The following B3GALNT1 variants were observed in gnomAD, a reference collection of about 807,000 sequenced individuals.
The protein encoded by B3GALNT1 is beta-1,3-N-acetylgalactosaminyltransferase 1 (Globoside blood group).
A neutral mutation model predicts 27.3 loss-of-function variants in B3GALNT1; 17 were observed. That is an observed-to-expected ratio of 0.62 (90% CI 0.43 to 0.94). The LOEUF (loss-of-function observed/expected upper bound fraction) is 0.94, where lower values mean the gene tolerates loss of function less well. B3GALNT1 is among the 40% of genes least tolerant of loss of function. B3GALNT1 has a pLI of 0.00. For synonymous variants in B3GALNT1, 141 were observed against 144.0 expected (o/e 0.98, Z 0.15); for missense variants, 347 against 390.0 (o/e 0.89, Z 0.93).
At chr3:161,093,391 T>C (rs960969992) in intron 4 of B3GALNT1, among the ~76,000 whole-genome samples, 2 of 152,198 alleles carry the variant, frequency 1.3e-5, no homozygotes, top group African/African-American at 4.8e-5. Context: ...TCTGTGTTCA[T>C]AGCATGTGTG....
intron 4 of B3GALNT1, among the ~76,000 whole-genome samples, chr3:161,095,399 A>G (rs1727576759): frequency 6.6e-6 from 1 of 152,236 alleles, no homozygotes; most frequent in South Asian, 2.1e-4. Context: ...GGCTAAGGCG[A>G]ATATCTGGGC....
chr3:161,104,205 T>G (rs1733039681), intron 2 of B3GALNT1, 114 bp downstream of exon 2: 1 of 722,866 alleles, frequency 1.4e-6, no homozygotes. Context: ...TTATCAGGCA[T>G]CGACACATGC....
In B3GALNT1 at chr3:161,095,051, C is replaced by T. The variant is rs376521865; in HGVS notation, c.-35+6088G>A. Among the ~76,000 whole-genome samples the T allele has an allele frequency of 2.9e-4, 44 of 152,184 alleles. No homozygotes were observed. In the East Asian group the frequency reaches 4.6e-3, roughly 16 times the overall value. On this transcript the variant is annotated intron_variant, in intron 4 of 4. Coordinates refer to ENST00000320474, the MANE Select transcript of B3GALNT1 (RefSeq NM_003781.4). ...CTTGCTATGTTACCCAAGCTGGTCT[C>T]GAACTCCTGGACTCAAGCAATCCTC...
intron 1 of B3GALNT1, 66 bp from the exon 2 acceptor site, chr3:161,104,472 T>A: frequency 1.5e-6 from 1 of 686,386 alleles, no homozygotes; most frequent in Non-Finnish European, 2.2e-6. Flanking sequence ...AATCCAACAT[T>A]AAGAAGGCGA....
rs768103850 is a variant in B3GALNT1 at position 161,084,887 on chromosome 3, T to A, written c.*872A>T. 9 of 152,242 alleles carry A rather than the reference T, an allele frequency of 5.9e-5. No homozygotes were observed. Among genetic ancestry groups the A allele is most frequent in the Admixed American group, 5.9e-4 (9 of 15,286 alleles). 9.4% of individuals were successfully genotyped at this position (152,242 alleles called of 1,614,324 possible). On this transcript the variant is annotated 3_prime_UTR_variant, in exon 5 of 5. Transcript: ENST00000320474. ...TCCAAAAGGAAATTACTGCCTTGCATTCTACATTATTCCTAATTTCCAGGT... is the reference window on the plus strand; with the variant it reads ...TCCAAAAGGAAATTACTGCCTTGCAATCTACATTATTCCTAATTTCCAGGT...
At chr3:161,090,989 T>A (rs1475777781) in intron 4 of B3GALNT1, among the ~76,000 whole-genome samples, 1 of 152,168 alleles carries the variant, frequency 6.6e-6, no homozygotes, top group African/African-American at 2.4e-5. Context: ...ACTTATAGGC[T>A]GGGTGTCATG....
Position 161,085,985 on chromosome 3 carries a change from A to G in B3GALNT1, c.770T>C (p.Met257Thr). 1.3e-6 allele frequency: 2 copies of G among 1,588,472 alleles called. No homozygotes were observed. The highest frequency in any genetic ancestry group is 1.7e-6 in the Non-Finnish European group (2 of 1,168,662). ...RDLVPRIYEMMGHVKPIKFED... is the reference protein window; with the variant it reads ...RDLVPRIYEMTGHVKPIKFED... ...AAACTTGATGGGTTTTACGTGACCC[A>G]TCATTTCATAGATCCTTGGCACCAA... The change falls in exon 5 of 5, where the codon ATG (methionine) becomes ACG (threonine). Residue 257 changes from methionine to threonine, a missense_variant. By Grantham distance (81) the Met-to-Thr change is moderately conservative. Coordinates refer to ENST00000320474, the MANE Select transcript of B3GALNT1 (RefSeq NM_003781.4).
chr3:161,102,160 C>T (rs1731678066), intron 3 of B3GALNT1, among the ~76,000 whole-genome samples: 1 of 152,172 alleles, frequency 6.6e-6, no homozygotes, highest in Admixed American at 6.5e-5. Context: ...GTGGTAACTC[C>T]ATTCTTGAAA....
At chr3:161,102,053 G>C (rs999803638) in intron 3 of B3GALNT1, among the ~76,000 whole-genome samples, 4 of 152,080 alleles carry the variant, frequency 2.6e-5, no homozygotes, top group Admixed American at 2.0e-4. Context: ...TCCCAGAAGC[G>C]GGCAAACTTT....
At chr3:161,104,244 C>G in intron 2 of B3GALNT1, 75 bp downstream of exon 2, 1 of 1,180,662 alleles carries the variant, frequency 8.5e-7, no homozygotes, top group Non-Finnish European at 1.1e-6. Context: ...CAGCGCCCTT[C>G]TTTTGCTTAA....
chr3:161,085,162 T>G lies in B3GALNT1; in HGVS notation c.*597A>C, dbSNP rs1721043352. On this transcript the variant is annotated 3_prime_UTR_variant, in exon 5 of 5. Transcript: ENST00000320474. ...TTTGCATGTAAAGAATGATTCACTA[T>G]CCTTTTTATCTTGTATTGAAATCGT... 1 of 152,618 alleles carries G rather than the reference T, an allele frequency of 6.6e-6. No individual in the cohort carries two copies. The highest frequency in any genetic ancestry group is 2.1e-4 in the South Asian group (1 of 4,848). 9.5% of individuals were successfully genotyped at this position (152,618 alleles called of 1,614,324 possible). A position where few individuals can be genotyped will look rare whatever the true frequency, so the allele number is the denominator to read the frequency against.
chr3:161,102,697 G>A (rs1023074165), intron 3 of B3GALNT1, among the ~76,000 whole-genome samples: 9 of 152,140 alleles, frequency 5.9e-5, no homozygotes, highest in Non-Finnish European at 1.0e-4. Context: ...TTGATCCCAC[G>A]TGCTTGACCC....
At position 161,086,466 on chromosome 3, in the gene B3GALNT1, T is replaced by C. The variant is rs370929699; in HGVS notation, c.289A>G (p.Ile97Val). 3.7e-6 allele frequency: 6 copies of C among 1,613,996 alleles called. No homozygotes were observed. The highest frequency in any genetic ancestry group is 5.1e-6 in the Non-Finnish European group (6 of 1,180,026). The change falls in exon 5 of 5, where the codon ATT (isoleucine) becomes GTT (valine). Residue 97 changes from isoleucine (I) to valine (V), a missense_variant. By Grantham distance (29) the Ile-to-Val change is conservative. Coordinates refer to ENST00000320474, the MANE Select transcript of B3GALNT1 (RefSeq NM_003781.4). ...HPSDVKARQA[I>V]RVTWGEKKSW... ...TTTTTTTCACCCCAAGTAACTCTAA[T>C]GGCCTGCCTGGCTTTCACATCTGAA...
Position 161,086,555 on chromosome 3 carries a change from A to C in B3GALNT1, c.200T>G (p.Leu67Arg), listed in dbSNP as rs1356913874. The C allele has an allele frequency of 2.5e-6, 4 of 1,614,114 alleles. No homozygotes were observed. In the African/African-American group the frequency reaches 5.3e-5, roughly 22 times the overall value. The stretch of plus-strand genomic sequence containing the variant: ...ATGAGAGCAGTTTGAATGCTCTCGA[A>C]GTGTGAAGTGAAAGTCTTGTCTGTA... ...PIYRQDFHFT[L>R]REHSNCSHQN... Residue 67 changes from leucine to arginine, a missense_variant, in exon 5 of 5, where the codon CTT becomes CGT. By Grantham distance (102) the Leu-to-Arg change is moderately radical (BLOSUM62 -2). Transcript: ENST00000320474.
In B3GALNT1 at chr3:161,086,099, T is replaced by C; in HGVS notation, c.656A>G (p.Tyr219Cys). Reference sequence around the variant, plus strand: ...CTGGTAAGAAATATGGGTTTTTTGGTAAAATCCTCTATAGGAATAATTATC... The same window carrying C: ...CTGGTAAGAAATATGGGTTTTTTGGCAAAATCCTCTATAGGAATAATTATC... ...LIDNYSYRGFYQKTHISYQEY... is the reference protein window; with the variant it reads ...LIDNYSYRGFCQKTHISYQEY... Residue 219 changes from tyrosine (Y) to cysteine (C), a missense_variant, in exon 5 of 5, where the codon TAC becomes TGC. Tyr to Cys is a radical substitution (Grantham distance 194). Transcript: ENST00000320474. 1 of 1,600,550 alleles carries C rather than the reference T, an allele frequency of 6.2e-7. No homozygotes were observed. The highest frequency in any genetic ancestry group is 8.5e-7 in the Non-Finnish European group (1 of 1,174,332).
In B3GALNT1 at chr3:161,085,996, G is replaced by C. The variant is rs199652282; in HGVS notation, c.759C>G (p.Ile253Met). 2 of 1,586,250 alleles carry C rather than the reference G, an allele frequency of 1.3e-6. No individual in the cohort carries two copies. Among genetic ancestry groups the C allele is most frequent in the East Asian group, 2.2e-5 (1 of 44,702 alleles). ...YIMSRDLVPR[I>M]YEMMGHVKPI... ...GTTTTACGTGACCCATCATTTCATA[G>C]ATCCTTGGCACCAAATCTCTGGACA... The change falls in exon 5 of 5, where the codon ATC (isoleucine) becomes ATG (methionine). Residue 253 changes from isoleucine (I) to methionine (M), a missense_variant. Transcript: ENST00000320474.
Position 161,084,941 on chromosome 3 carries a change from TAA to T in B3GALNT1, c.*816_*817del, listed in dbSNP as rs1161874263. ...AAAATGAGACAAATTAAGTGACTTC[TAA>T]AAACACTAGGAACTGTATTTTTTAA... On this transcript the variant is annotated 3_prime_UTR_variant, in exon 5 of 5. Coordinates refer to ENST00000320474, the MANE Select transcript of B3GALNT1 (RefSeq NM_003781.4). The T allele has an allele frequency of 6.6e-6, 1 of 152,198 alleles. No individual in the cohort carries two copies. Among genetic ancestry groups the T allele is most frequent in the Admixed American group, 6.5e-5 (1 of 15,280 alleles). The allele number at this position is 152,198 out of a possible 1,614,324, so 9.4% of individuals were successfully genotyped here.
Position 161,084,824 on chromosome 3 carries a change from T to A in B3GALNT1, c.*935A>T, listed in dbSNP as rs1473998849. ...CACTCTTTTTATAATATTCTGCCCA[T>A]GAGGTTCTCTCCCTTCTTTTCTGCC... On this transcript the variant is annotated 3_prime_UTR_variant, in exon 5 of 5. Transcript: ENST00000320474. 6.6e-6 allele frequency: 1 copy of A among 152,198 alleles called. No individual in the cohort carries two copies. Among genetic ancestry groups the A allele is most frequent in the Non-Finnish European group, 1.5e-5 (1 of 68,026 alleles). The allele number at this position is 152,198 out of a possible 1,614,324, so 9.4% of individuals were successfully genotyped here.
At chr3:161,103,376 G>T in intron 3 of B3GALNT1, 51 bp downstream of exon 3, 2 of 874,904 alleles carry the variant, frequency 2.3e-6, no homozygotes, top group Non-Finnish European at 3.2e-6. Context: ...ATTATTATGG[G>T]CATTTTTAAC....
Sources: gnomAD v4.1 joint callset for allele counts (sites outside exome capture counted in the v4.1 genomes callset) on GRCh38, gnomAD v4.1.1 for gene constraint, MANE v1.5 for transcripts, NCBI Gene and HGNC (gene_info 2026-07-23, HGNC 2026-07-21) for gene names.